Variants in CASP5 observed in about 807,000 individuals in gnomAD.
CASP5 encodes the protein caspase-5.
In CASP5, 42 loss-of-function variants were observed where a neutral mutation model predicts 45.2. That is an observed-to-expected ratio of 0.93 (90% CI 0.73 to 1.20). CASP5 has a LOEUF of 1.20. Ranked by LOEUF, CASP5 falls within the 50% of genes most tolerant of loss-of-function variation. The pLI is 0.00. For synonymous variants in CASP5, 209 were observed against 186.2 expected (o/e 1.12, Z -1.00); for missense variants, 512 against 532.2 (o/e 0.96, Z 0.37).
At chr11:105,016,107 G>A (rs910489864) in intron 1 of CASP5, among the ~76,000 whole-genome samples, 1 of 152,186 alleles carries the variant, frequency 6.6e-6, no homozygotes, top group African/African-American at 2.4e-5. Flanking sequence ...CCTAGCATGT[G>A]AGAGGTGAGA....
chr11:104,998,453 C>T (rs776558556), intron 7 of CASP5, among the ~76,000 whole-genome samples: 2 of 152,058 alleles, frequency 1.3e-5, no homozygotes, highest in Non-Finnish European at 2.9e-5. Context: ...AATAACATTG[C>T]TCTTTGTAGG....
intron 6 of CASP5, among the ~76,000 whole-genome samples, 167 bp downstream of exon 6, chr11:105,000,093 GA>G (rs1205383314): frequency 1.3e-5 from 2 of 152,220 alleles, no homozygotes; most frequent in African/African-American, 4.8e-5. Context: ...CTCCACTGAT[GA>G]GACAATTTCT....
chr11:105,022,911 C>T lies in CASP5; in HGVS notation c.7+219G>A, dbSNP rs374223890. ...CCAGAAGCTGAAAGAAAGGAATTAA[C>T]CTTTTTCTGGCTTGAAAACATCTAG... On this transcript the variant is annotated intron_variant, in intron 1 of 9. Coordinates refer to ENST00000260315, the MANE Select transcript of CASP5 (RefSeq NM_004347.5). Among the ~76,000 whole-genome samples the T allele has an allele frequency of 3.3e-5, 5 of 152,214 alleles. 1 individual carries two copies. The highest frequency in any genetic ancestry group is 3.3e-4 in the Admixed American group (5 of 15,274).
intron 1 of CASP5, among the ~76,000 whole-genome samples, chr11:105,013,276 T>C (rs949951968): frequency 1.3e-5 from 2 of 151,990 alleles, no homozygotes; most frequent in African/African-American, 4.8e-5. Flanking sequence ...GCAGGAAGTT[T>C]GGGGAGATGT....
At chr11:104,997,049 G>A (rs909973346) in intron 8 of CASP5, among the ~76,000 whole-genome samples, 4 of 152,180 alleles carry the variant, frequency 2.6e-5, no homozygotes, top group Non-Finnish European at 2.9e-5. Context: ...TTTGTCATCA[G>A]GATGAAGCCC....
chr11:104,997,582 T>C, intron 7 of CASP5, 90 bp from the exon 8 acceptor site: 1 of 695,876 alleles, frequency 1.4e-6, no homozygotes, highest in Non-Finnish European at 2.5e-6. Flanking sequence ...GAGAATTTAC[T>C]TGATAGATTT....
intron 1 of CASP5, among the ~76,000 whole-genome samples, chr11:105,021,402 C>T (rs1297217374): frequency 6.8e-6 from 1 of 147,360 alleles, no homozygotes; most frequent in Non-Finnish European, 1.5e-5. Flanking sequence ...ATTTTCGCAA[C>T]CTACTCGTCT....
intron 1 of CASP5, among the ~76,000 whole-genome samples, chr11:105,019,427 AAAG>A (rs1359252021): frequency 6.7e-6 from 1 of 149,950 alleles, no homozygotes; most frequent in Non-Finnish European, 1.5e-5. Flanking sequence ...ATAAAGAAAA[AAAG>A]AGAGAAGAAT....
chr11:104,996,557 T>G (rs1861479159), intron 8 of CASP5, among the ~76,000 whole-genome samples: 1 of 152,224 alleles, frequency 6.6e-6, no homozygotes, highest in African/African-American at 2.4e-5. Flanking sequence ...CACTTTCCTG[T>G]GTTAATACCA....
At chr11:105,001,659 A>C (rs1363136867) in intron 5 of CASP5, among the ~76,000 whole-genome samples, 2 of 152,204 alleles carry the variant, frequency 1.3e-5, no homozygotes, top group African/African-American at 4.8e-5. Flanking sequence ...TTGGTCTCAA[A>C]AAATAAATAA....
intron 7 of CASP5, among the ~76,000 whole-genome samples, chr11:104,998,342 G>A (rs1474668185): frequency 5.9e-5 from 9 of 152,000 alleles, no homozygotes; most frequent in Non-Finnish European, 1.0e-4. Context: ...TTACCTAGAG[G>A]TGAAATACAA....
chr11:105,013,874 A>G (rs1351879310), intron 1 of CASP5, among the ~76,000 whole-genome samples: 1 of 152,118 alleles, frequency 6.6e-6, no homozygotes, highest in East Asian at 1.9e-4. Flanking sequence ...GTGATATTAA[A>G]CTTCTTCTGC....
chr11:105,007,374 C>A, intron 2 of CASP5, 40 bp from the exon 3 acceptor site: 1 of 1,559,110 alleles, frequency 6.4e-7, no homozygotes, highest in Non-Finnish European at 8.6e-7. Context: ...ATGGGCACAG[C>A]TTAAAGAGTT....
intron 1 of CASP5, among the ~76,000 whole-genome samples, chr11:105,015,901 A>G (rs895984566): frequency 7.2e-5 from 11 of 152,376 alleles, no homozygotes; most frequent in African/African-American, 2.4e-4. Flanking sequence ...CAAGTGAAGT[A>G]AAATACAGTA....
At chr11:105,016,766 C>A (rs1001623525) in intron 1 of CASP5, among the ~76,000 whole-genome samples, 14 of 152,210 alleles carry the variant, frequency 9.2e-5, no homozygotes, top group African/African-American at 2.4e-4. Flanking sequence ...CTTAGGTAAA[C>A]AAAGCAGCCA....
intron 1 of CASP5, among the ~76,000 whole-genome samples, chr11:105,014,065 ATTC>A (rs932192149): frequency 6.6e-6 from 1 of 152,082 alleles, no homozygotes; most frequent in African/African-American, 2.4e-5. Context: ...TTTCTATTCT[ATTC>A]TTCACAATAA....
chr11:105,014,490 T>C (rs2134743377), intron 1 of CASP5, among the ~76,000 whole-genome samples: 1 of 152,324 alleles, frequency 6.6e-6, no homozygotes, highest in East Asian at 1.9e-4. Flanking sequence ...AGGCCTGCAC[T>C]ACTTCTGGCA....
rs1052679307 is a variant in CASP5 at position 104,995,965 on chromosome 11, G to C, written c.1207-123C>G. 1.1e-4 allele frequency: 69 copies of C among 613,190 alleles called. No homozygotes were observed. In the East Asian group the frequency reaches 1.8e-3, roughly 16 times the overall value. 38.0% of individuals were successfully genotyped at this position (613,190 alleles called of 1,614,324 possible). A position where few individuals can be genotyped will look rare whatever the true frequency, so the allele number is the denominator to read the frequency against. ...CAGGGTTGATAGGACCAAGCCCATG[G>C]ATATTCCAACTCCTTAACACTGCTA... is the stretch of plus-strand genomic sequence containing the variant. On this transcript the variant is annotated intron_variant, in intron 8 of 9. Transcript: ENST00000260315.
chr11:105,007,981 TA>T (rs1463251963), intron 2 of CASP5, among the ~76,000 whole-genome samples: 1 of 152,114 alleles, frequency 6.6e-6, no homozygotes, highest in Non-Finnish European at 1.5e-5. Context: ...AATAATATCA[TA>T]ACTACTCTAG....
Sources: allele counts gnomAD v4.1 joint callset (sites outside exome capture counted in the v4.1 genomes callset), GRCh38; gene constraint gnomAD v4.1.1; transcripts MANE v1.5; gene names NCBI Gene and HGNC (gene_info 2026-07-23, HGNC 2026-07-21).